CNTNAP2: variants seen among roughly 807,000 people sequenced by gnomAD.
CNTNAP2 encodes the protein contactin associated protein 2.
CNTNAP2 carries 98 observed loss-of-function variants against 155.2 expected under a neutral mutation model. The ratio of observed to expected loss-of-function variants is 0.63; its 90% CI spans 0.54 to 0.75. The LOEUF (loss-of-function observed/expected upper bound fraction) is 0.75, where lower values mean the gene tolerates loss of function less well. Among genes scored for constraint, CNTNAP2 ranks in the 30% least tolerant of loss-of-function variants. CNTNAP2 has a pLI of 0.00. For synonymous variants in CNTNAP2, 651 were observed against 631.2 expected (o/e 1.03, Z -0.47); for missense variants, 1,727 against 1,688.1 (o/e 1.02, Z -0.40).
At chr7:147,092,065 C>T (rs1471861532) in intron 4 of CNTNAP2, among the ~76,000 whole-genome samples, 1 of 152,108 alleles carries the variant, frequency 6.6e-6, no homozygotes, top group African/African-American at 2.4e-5. Flanking sequence ...AGGACTTAAC[C>T]ACCCTACTAT....
intron 3 of CNTNAP2, among the ~76,000 whole-genome samples, chr7:146,924,072 T>C (rs532611367): frequency 2.1e-4 from 32 of 152,202 alleles, no homozygotes; most frequent in African/African-American, 7.5e-4. Flanking sequence ...GAATAAATTA[T>C]AGAACTTGAG....
intron 11 of CNTNAP2, among the ~76,000 whole-genome samples, chr7:147,510,737 G>GGCTT (rs1799001356): frequency 6.7e-6 from 1 of 150,136 alleles, no homozygotes; most frequent in Non-Finnish European, 1.5e-5. Context: ...CTTTACAAAA[G>GGCTT]GCTTGGTAGG....
chr7:147,061,251 A>G (rs925096995), intron 4 of CNTNAP2, among the ~76,000 whole-genome samples: 7 of 152,216 alleles, frequency 4.6e-5, no homozygotes, highest in African/African-American at 1.7e-4. Context: ...CAAATTTGTT[A>G]AGAGAGTAGA....
intron 1 of CNTNAP2, among the ~76,000 whole-genome samples, chr7:146,481,058 A>C (rs1280966439): frequency 6.6e-6 from 1 of 152,096 alleles, no homozygotes; most frequent in Admixed American, 6.6e-5. Flanking sequence ...TGAGTGACCA[A>C]AATCATATAC....
At chr7:148,141,314 T>C (rs1805068085) in intron 16 of CNTNAP2, among the ~76,000 whole-genome samples, 1 of 152,242 alleles carries the variant, frequency 6.6e-6, no homozygotes, top group Admixed American at 6.5e-5. Flanking sequence ...TCAAACATCA[T>C]ATGTTTGAAA....
Position 146,976,800 on chromosome 7 carries a change from C to T in CNTNAP2, c.403-67107C>T, listed in dbSNP as rs530636011. Among the ~76,000 whole-genome samples the T allele has an allele frequency of 2.6e-5, 4 of 152,220 alleles. No homozygotes were observed. In the East Asian group the frequency reaches 7.8e-4, roughly 30 times the overall value. ...GTCCTCATAGACTGGGTAGCGAAAC[C>T]CGGCAAAGCCTGTCTGTTCTGTCTG... On this transcript the variant is annotated intron_variant, in intron 3 of 23. Transcript: ENST00000361727.
In CNTNAP2 at chr7:146,775,017, G is replaced by A. The variant is rs573925674; in HGVS notation, c.208+636G>A. Among the ~76,000 whole-genome samples the A allele has an allele frequency of 1.5e-4, 23 of 152,180 alleles. 1 individual carries two copies. The South Asian group carries it at 4.8e-3, about 32-fold the overall frequency. On this transcript the variant is annotated intron_variant, in intron 2 of 23. Transcript: ENST00000361727. ...AGGCAAAAAACTCTTTTGCTTCAAA[G>A]GAACACTGGTACAAACATCAGTGAA...
intron 15 of CNTNAP2, among the ~76,000 whole-genome samples, chr7:148,081,141 G>A (rs1376896949): frequency 6.6e-6 from 1 of 152,182 alleles, no homozygotes; most frequent in Non-Finnish European, 1.5e-5. Flanking sequence ...GAAGAAGTTA[G>A]TATCTTAAGC....
chr7:147,568,158 T>G (rs928147113), intron 12 of CNTNAP2, among the ~76,000 whole-genome samples: 4 of 151,892 alleles, frequency 2.6e-5, no homozygotes, highest in Non-Finnish European at 5.9e-5. Flanking sequence ...GTAATTGGAA[T>G]AAGTTGATAT....
chr7:148,133,721 G>C (rs551567096), intron 16 of CNTNAP2: 1 of 152,226 alleles, frequency 6.6e-6, no homozygotes, highest in Non-Finnish European at 1.5e-5. Context: ...GATGCACAGG[G>C]ACCAGGAAGG....
At chr7:146,813,640 A>G (rs1803110223) in intron 2 of CNTNAP2, among the ~76,000 whole-genome samples, 1 of 152,152 alleles carries the variant, frequency 6.6e-6, no homozygotes, top group African/African-American at 2.4e-5. Flanking sequence ...TTTTGGGTTA[A>G]TGCTGGAATG....
rs142088205 is a variant in CNTNAP2 at position 148,316,744 on chromosome 7, G to C, written c.3475+49618G>C. Among the ~76,000 whole-genome samples, 599 of 152,280 alleles carry C rather than the reference G, an allele frequency of 3.9e-3. 9 individuals are homozygous for C. Among genetic ancestry groups the C allele is most frequent in the African/African-American group, 0.014 (565 of 41,552 alleles). ...AGAGGGCAGATAAATAGAAAGATGT[G>C]AGAAGTCAAAAATCCTATTGCGATC... On this transcript the variant is annotated intron_variant, in intron 21 of 23. Coordinates refer to ENST00000361727, the MANE Select transcript of CNTNAP2 (RefSeq NM_014141.6).
chr7:146,297,313 T>C (rs1328733222), intron 1 of CNTNAP2, among the ~76,000 whole-genome samples: 1 of 152,102 alleles, frequency 6.6e-6, no homozygotes, highest in African/African-American at 2.4e-5. Context: ...CAAATTAATA[T>C]CAAGAGCATT....
At chr7:146,129,071 A>G (rs1338996733) in intron 1 of CNTNAP2, among the ~76,000 whole-genome samples, 5 of 152,208 alleles carry the variant, frequency 3.3e-5, no homozygotes, top group Non-Finnish European at 7.3e-5. Flanking sequence ...TGCCCAAAGT[A>G]TATTAGAAAA....
At chr7:146,610,948 G>A (rs569017850) in intron 1 of CNTNAP2, among the ~76,000 whole-genome samples, 2 of 152,234 alleles carry the variant, frequency 1.3e-5, no homozygotes, top group East Asian at 1.9e-4. Flanking sequence ...AAATGAGAAA[G>A]TCCCAACCTC....
intron 8 of CNTNAP2, among the ~76,000 whole-genome samples, chr7:147,151,741 A>G (rs1801830979): frequency 6.6e-6 from 1 of 152,132 alleles, no homozygotes; most frequent in Non-Finnish European, 1.5e-5. Flanking sequence ...TGTATTTGGC[A>G]GTCTGTTTTG....
chr7:147,039,221 CAT>C, intron 3 of CNTNAP2, among the ~76,000 whole-genome samples: 1 of 152,130 alleles, frequency 6.6e-6, no homozygotes, highest in East Asian at 1.9e-4. Flanking sequence ...TATATAGACA[CAT>C]ATTCAGGTTC....
intron 8 of CNTNAP2, among the ~76,000 whole-genome samples, chr7:147,186,411 A>G (rs1023544110): frequency 2.6e-5 from 4 of 152,184 alleles, no homozygotes; most frequent in African/African-American, 4.8e-5. Context: ...TGAGGCATTT[A>G]TTATTGCCCT....
intron 8 of CNTNAP2, among the ~76,000 whole-genome samples, chr7:147,147,435 C>T (rs1050731857): frequency 1.7e-4 from 26 of 152,176 alleles, no homozygotes; most frequent in South Asian, 6.2e-4. Flanking sequence ...ACACAAAAAA[C>T]CTCTATTATT....
Sources: gnomAD v4.1 joint callset for allele counts (sites outside exome capture counted in the v4.1 genomes callset) on GRCh38, gnomAD v4.1.1 for gene constraint, MANE v1.5 for transcripts, NCBI Gene and HGNC (gene_info 2026-07-23, HGNC 2026-07-21) for gene names.